The following SP140 variants were observed in gnomAD, a reference collection of about 807,000 sequenced individuals.
SP140 encodes SP140 nuclear body protein, also known as nuclear body protein SP140.
SP140 carries 81 observed loss-of-function variants against 125.0 expected under a neutral mutation model. That is an observed-to-expected ratio of 0.65 (90% CI 0.54 to 0.78). The LOEUF is 0.78. SP140 is among the 30% of genes least tolerant of loss of function. The pLI is 0.00. For synonymous variants in SP140, 312 were observed against 354.0 expected (o/e 0.88, Z 1.33); for missense variants, 858 against 1,037.0 (o/e 0.83, Z 2.37).
chr2:230,216,814 T>C (rs943542557), intron 3 of SP140: 1 of 1,613,936 alleles, frequency 6.2e-7, no homozygotes, highest in Non-Finnish European at 8.5e-7. Flanking sequence ...TGGAGTTGTC[T>C]AGGAGGCCTT....
In SP140 at chr2:230,237,987, A is replaced by G. The variant is rs2048220051; in HGVS notation, c.238-226A>G. 6.6e-6 allele frequency among the ~76,000 whole-genome samples: 1 copy of G among 152,196 alleles called. No homozygotes were observed. The highest frequency in any genetic ancestry group is 1.5e-5 in the Non-Finnish European group (1 of 68,040). The stretch of plus-strand genomic sequence containing the variant: ...ACACAACATTCAACTTTGAACCCAC[A>G]CTTATTATTTAAAATTACTCTCTCC... On this transcript the variant is annotated intron_variant, in intron 2 of 26. Transcript: ENST00000392045. This position sits in a 1 kb window ranked among gnomAD's most constrained non-coding sequence, Gnocchi z 5.4.
At chr2:230,200,754 A>G (rs2043097366), upstream of SP140, 2 of 747,404 alleles carry the variant, frequency 2.7e-6, no homozygotes, top group Non-Finnish European at 4.7e-6. Flanking sequence ...TAAGAAAAAA[A>G]AATCCAGAAG....
At chr2:230,235,425 T>G (rs114443562) in intron 1 of SP140, among the ~76,000 whole-genome samples, 1,969 of 152,338 alleles carry the variant, frequency 0.013, 32 homozygotes, top group African/African-American at 0.036. Context: ...TTAGGAGATA[T>G]TCTAGTGAAA....
intron 15 of SP140, among the ~76,000 whole-genome samples, chr2:230,273,740 TG>T (rs746798427): frequency 4.2e-4 from 64 of 152,348 alleles, no homozygotes; most frequent in Non-Finnish European, 7.6e-4. Flanking sequence ...ATGTGGTTCA[TG>T]TACACCATGG....
At chr2:230,259,634 C>T (rs1487652987) in intron 12 of SP140, among the ~76,000 whole-genome samples, 1 of 151,460 alleles carries the variant, frequency 6.6e-6, no homozygotes, top group Non-Finnish European at 1.5e-5. Context: ...TGGTAATGAG[C>T]TGAGATCACA....
downstream of SP140, among the ~76,000 whole-genome samples, chr2:230,316,222 G>C (rs1474820825): frequency 6.6e-6 from 1 of 152,176 alleles, no homozygotes; most frequent in Admixed American, 6.5e-5. Context: ...GCAGGTGGTG[G>C]GAGAGAAACG....
rs769738152 is a variant in SP140, at chr2:230,292,732, A to C, written c.1912A>C (p.Lys638Gln). ...FEIKGGHARSKNWRLSVRCGG... is the reference protein window; with the variant it reads ...FEIKGGHARSQNWRLSVRCGG... Reference sequence around the variant, plus strand: ...AATCAAAGGAGGCCATGCAAGATCAAAGAACTGGAGGCTGAGTGTGCGCTG... The same window carrying C: ...AATCAAAGGAGGCCATGCAAGATCACAGAACTGGAGGCTGAGTGTGCGCTG... The change falls in exon 20 of 27, where the codon AAG (lysine) becomes CAG (glutamine). Residue 638 changes from lysine to glutamine, a missense_variant. Coordinates refer to ENST00000392045, the MANE Select transcript of SP140 (RefSeq NM_007237.5). 6.2e-7 allele frequency: 1 copy of C among 1,614,214 alleles called. No homozygotes were observed. The highest frequency in any genetic ancestry group is 8.5e-7 in the Non-Finnish European group (1 of 1,180,032).
chr2:230,243,618 G>A, intron 4 of SP140, 113 bp from the exon 5 acceptor site: 1 of 791,758 alleles, frequency 1.3e-6, no homozygotes, highest in Non-Finnish European at 2.1e-6. Context: ...TTTGGGGAGA[G>A]GGGACCTTCC....
chr2:230,250,921 C>T (rs1365778906), intron 9 of SP140, 60 bp from the exon 10 acceptor site: 10 of 1,589,530 alleles, frequency 6.3e-6, no homozygotes, highest in Admixed American at 3.4e-5. Flanking sequence ...CTTCAGCTTC[C>T]CACGTCTTCA....
At chr2:230,283,829 AG>A (rs2055975678) in intron 15 of SP140, among the ~76,000 whole-genome samples, 1 of 152,196 alleles carries the variant, frequency 6.6e-6, no homozygotes, top group South Asian at 2.1e-4. Flanking sequence ...AGCCTGAAGG[AG>A]GGCTGACAGT....
intron 3 of SP140, 23 bp from the exon 4 acceptor site, chr2:230,241,381 A>C (rs745498939): frequency 6.8e-7 from 1 of 1,466,630 alleles, no homozygotes; most frequent in East Asian, 2.3e-5. Flanking sequence ...TGAGTTTGGT[A>C]ATTTTCACAT....
the SP140 span, chr2:230,186,232 C>G: frequency 9.0e-6 from 11 of 1,220,634 alleles, no homozygotes; most frequent in East Asian, 2.4e-4. Context: ...TGCCATTTCT[C>G]TATAATTCTC....
chr2:230,308,536 T>C (rs2059030740), intron 22 of SP140, among the ~76,000 whole-genome samples: 1 of 152,198 alleles, frequency 6.6e-6, no homozygotes, highest in South Asian at 2.1e-4. Flanking sequence ...ATTTACTCGG[T>C]AGCCCGGTGG....
chr2:230,289,499 C>T lies in SP140; in HGVS notation c.1721-961C>T, dbSNP rs147813562. On this transcript the variant is annotated intron_variant, in intron 18 of 26. Coordinates refer to ENST00000392045, the MANE Select transcript of SP140 (RefSeq NM_007237.5). The stretch of plus-strand genomic sequence containing the variant: ...GTCTCAGGACCAAGGACAGCTCCCC[C>T]GTTTATCATGACTTCTGTTGCCCAG... 5.3e-5 allele frequency among the ~76,000 whole-genome samples: 8 copies of T among 152,254 alleles called. No homozygotes were observed. In the East Asian group the frequency reaches 9.7e-4, roughly 18 times the overall value.
chr2:230,240,947 G>C (rs1162132082), intron 3 of SP140, among the ~76,000 whole-genome samples: 2 of 152,128 alleles, frequency 1.3e-5, no homozygotes, highest in East Asian at 3.9e-4. Flanking sequence ...CTAATTTATA[G>C]AGTATAATAC....
the SP140 span, chr2:230,186,204 C>A: frequency 1.3e-6 from 2 of 1,532,370 alleles, no homozygotes; most frequent in Non-Finnish European, 1.8e-6. Context: ...CCAGCCCCTA[C>A]CCTTTCAGGA....
intron 18 of SP140, among the ~76,000 whole-genome samples, chr2:230,288,463 TTC>T (rs1409902394): frequency 6.9e-5 from 4 of 57,878 alleles, no homozygotes; most frequent in South Asian, 6.5e-4. Context: ...CTATCTTTCT[TTC>T]TTTCTTTCTT....
upstream of SP140, chr2:230,202,933 A>G: frequency 1.7e-6 from 1 of 600,468 alleles, no homozygotes; most frequent in South Asian, 2.0e-5. Context: ...CCAAATTACC[A>G]TCTGCTTTCA....
intron 16 of SP140, among the ~76,000 whole-genome samples, chr2:230,285,048 CAT>C (rs1246768008): frequency 6.6e-6 from 1 of 152,054 alleles, no homozygotes; most frequent in Non-Finnish European, 1.5e-5. Context: ...CAAAAAGTAA[CAT>C]ATGCAAAAAG....
Sources: gnomAD v4.1 joint callset for allele counts (sites outside exome capture counted in the v4.1 genomes callset) on GRCh38, gnomAD v4.1.1 for gene constraint, Gnocchi (gnomAD v3.1) non-coding constraint, MANE v1.5 for transcripts, NCBI Gene and HGNC (gene_info 2026-07-23, HGNC 2026-07-21) for gene names.